The following HMGCLL1 variants were observed in gnomAD, a reference collection of about 807,000 sequenced individuals.
The protein encoded by HMGCLL1 is 3-hydroxy-3-methylglutaryl-CoA lyase like 1.
In HMGCLL1, 36 loss-of-function variants were observed where a neutral mutation model predicts 39.1. The ratio of observed to expected loss-of-function variants is 0.92; its 90% CI spans 0.71 to 1.22. HMGCLL1 has a LOEUF of 1.22. Among genes scored for constraint, HMGCLL1 ranks in the 50% most tolerant of loss-of-function variants. The probability of loss-of-function intolerance (pLI) is 0.00; values close to 1 mark genes in which losing one functional copy is unlikely to be tolerated. For missense variants in HMGCLL1, 451 were observed against 416.5 expected, an observed-to-expected ratio of 1.08 and a Z score of -0.72; for synonymous variants, 149 against 144.0, an observed-to-expected ratio of 1.03 and a Z score of -0.25.
chr6:55,572,102 TA>T (rs1378075560), intron 1 of HMGCLL1, among the ~76,000 whole-genome samples: 1 of 151,816 alleles, frequency 6.6e-6, no homozygotes, highest in African/African-American at 2.4e-5. Context: ...CATACAAACA[TA>T]CACATACAGT....
the HMGCLL1 span, among the ~76,000 whole-genome samples, chr6:55,646,275 C>T: frequency 6.6e-6 from 1 of 151,424 alleles, no homozygotes; most frequent in East Asian, 1.9e-4. Context: ...TTATTTGGGT[C>T]TTCTTTTTTC....
chr6:55,621,276 T>C, the HMGCLL1 span, among the ~76,000 whole-genome samples: 1 of 152,256 alleles, frequency 6.6e-6, no homozygotes, highest in East Asian at 1.9e-4. Flanking sequence ...TTTTCATTTT[T>C]GGTATTCTTT....
chr6:55,644,009 T>A, the HMGCLL1 span, among the ~76,000 whole-genome samples: 1 of 152,048 alleles, frequency 6.6e-6, no homozygotes, highest in Non-Finnish European at 1.5e-5. Context: ...TGTACTAATT[T>A]ACATTCCTCC....
At chr6:55,533,106 T>C (rs1768782505) in intron 3 of HMGCLL1, among the ~76,000 whole-genome samples, 1 of 151,362 alleles carries the variant, frequency 6.6e-6, no homozygotes, top group Non-Finnish European at 1.5e-5. Context: ...ATTTATATCA[T>C]CACTATTTGT....
At chr6:55,520,702 T>C (rs1767992518) in intron 3 of HMGCLL1, among the ~76,000 whole-genome samples, 1 of 152,142 alleles carries the variant, frequency 6.6e-6, no homozygotes, top group South Asian at 2.1e-4. Context: ...TTTACATTAC[T>C]GTTTTGACAT....
the HMGCLL1 span, among the ~76,000 whole-genome samples, chr6:55,661,583 G>A: frequency 3.0e-4 from 45 of 151,980 alleles, no homozygotes; most frequent in Middle Eastern, 3.4e-3. Flanking sequence ...ATCTGTTTTT[G>A]TATCAGTACC....
the HMGCLL1 span, among the ~76,000 whole-genome samples, chr6:55,593,158 T>C: frequency 6.6e-6 from 1 of 152,062 alleles, no homozygotes; most frequent in Non-Finnish European, 1.5e-5. Context: ...CAGGCAGATA[T>C]TTAAAGACCA....
intron 5 of HMGCLL1, among the ~76,000 whole-genome samples, chr6:55,499,796 A>C (rs574727452): frequency 9.9e-5 from 15 of 152,006 alleles, no homozygotes; most frequent in Non-Finnish European, 2.1e-4. Context: ...GCATAGCCTC[A>C]GAGTTCATTT....
intron 1 of HMGCLL1, among the ~76,000 whole-genome samples, chr6:55,556,080 G>A (rs1244279341): frequency 6.6e-6 from 1 of 152,084 alleles, no homozygotes. Flanking sequence ...CAACTTACCT[G>A]TGACTATTGA....
chr6:55,663,690 C>T, the HMGCLL1 span, among the ~76,000 whole-genome samples: 1 of 151,698 alleles, frequency 6.6e-6, no homozygotes. Context: ...CTATCAGATC[C>T]ATTTGGTTCA....
At chr6:55,513,982 A>C (rs1052523047) in intron 5 of HMGCLL1, 66 bp downstream of exon 5, 1 of 1,352,596 alleles carries the variant, frequency 7.4e-7, no homozygotes, top group East Asian at 2.3e-5. Flanking sequence ...GAATCTCTAG[A>C]TAATTTTTGA....
chr6:55,619,719 G>A, the HMGCLL1 span, among the ~76,000 whole-genome samples: 1 of 152,056 alleles, frequency 6.6e-6, no homozygotes, highest in South Asian at 2.1e-4. Flanking sequence ...TACTCTTTAA[G>A]TCATTTTTAA....
At chr6:55,654,477 C>T in the HMGCLL1 span, among the ~76,000 whole-genome samples, 1 of 151,860 alleles carries the variant, frequency 6.6e-6, no homozygotes, top group Non-Finnish European at 1.5e-5. Flanking sequence ...CATATATCCA[C>T]CATAATGTCA....
chr6:55,452,793 G>C (rs980227965), intron 7 of HMGCLL1, among the ~76,000 whole-genome samples: 3 of 152,130 alleles, frequency 2.0e-5, no homozygotes, highest in Non-Finnish European at 4.4e-5. Context: ...GCCTGAGTTG[G>C]CTACTGTTGC....
the HMGCLL1 span, among the ~76,000 whole-genome samples, chr6:55,640,424 C>T: frequency 1.3e-5 from 2 of 151,826 alleles, no homozygotes; most frequent in Admixed American, 6.6e-5. Flanking sequence ...AAAAAGAAGA[C>T]ATAGAGGAGT....
chr6:55,576,275 A>G (rs1484337927), intron 1 of HMGCLL1, among the ~76,000 whole-genome samples: 2 of 152,182 alleles, frequency 1.3e-5, no homozygotes, highest in African/African-American at 4.8e-5. Flanking sequence ...TTTGTTGAAA[A>G]CAATCTTCCT....
intron 3 of HMGCLL1, among the ~76,000 whole-genome samples, chr6:55,526,261 AT>A (rs1768316640): frequency 6.6e-6 from 1 of 151,880 alleles, no homozygotes; most frequent in Non-Finnish European, 1.5e-5. Context: ...GATCCTTTAC[AT>A]TATTCCTTCT....
intron 7 of HMGCLL1, among the ~76,000 whole-genome samples, chr6:55,450,889 C>T (rs1466785502): frequency 6.6e-6 from 1 of 152,120 alleles, no homozygotes; most frequent in East Asian, 1.9e-4. Context: ...TATCCCTTAA[C>T]AGAGATATGT....
chr6:55,496,591 G>T (rs1237688659), intron 6 of HMGCLL1, among the ~76,000 whole-genome samples: 2 of 152,036 alleles, frequency 1.3e-5, no homozygotes, highest in Admixed American at 6.6e-5. Context: ...GTGATCTCTT[G>T]CACTTCTTAT....
Sources: gnomAD v4.1 joint callset for allele counts (sites outside exome capture counted in the v4.1 genomes callset) on GRCh38, gnomAD v4.1.1 for gene constraint, MANE v1.5 for transcripts, NCBI Gene and HGNC (gene_info 2026-07-23, HGNC 2026-07-21) for gene names.